Variants in WSCD2 observed in about 807,000 individuals in gnomAD.
WSCD2 encodes WSC domain sialate O sulfotransferase 2.
In WSCD2, 28 loss-of-function variants were observed where a neutral mutation model predicts 55.7. The observed-to-expected ratio is 0.50, with a 90% CI of 0.37 to 0.69. The LOEUF (loss-of-function observed/expected upper bound fraction) is 0.69. Ranked by LOEUF, WSCD2 falls within the 30% of genes least tolerant of loss-of-function variation. The probability of loss-of-function intolerance (pLI) is 0.00; values close to 1 mark genes in which losing one functional copy is unlikely to be tolerated. For missense variants in WSCD2, 616 were observed against 762.1 expected, an observed-to-expected ratio of 0.81 and a Z score of 2.26; for synonymous variants, 301 against 301.9, an observed-to-expected ratio of 1.00 and a Z score of 0.03.
chr12:108,219,110 C>T (rs1593062193), intron 4 of WSCD2, among the ~76,000 whole-genome samples: 2 of 152,326 alleles, frequency 1.3e-5, no homozygotes, highest in Middle Eastern at 3.4e-3. Context: ...GCCCTCTTCT[C>T]AGCCAGCTGG....
intron 1 of WSCD2, among the ~76,000 whole-genome samples, chr12:108,159,295 G>A (rs1878834473): frequency 6.6e-6 from 1 of 152,170 alleles, no homozygotes; most frequent in Non-Finnish European, 1.5e-5. Context: ...TAGCCAATGT[G>A]CCTGTTGTGC....
chr12:108,171,654 T>C (rs1221085916), intron 1 of WSCD2: 2 of 152,258 alleles, frequency 1.3e-5, no homozygotes, highest in Non-Finnish European at 2.9e-5. Context: ...TGGCTCATAT[T>C]GTATTTCTGT....
intron 1 of WSCD2, among the ~76,000 whole-genome samples, chr12:108,185,168 C>G (rs1452574091): frequency 1.3e-5 from 2 of 152,236 alleles, no homozygotes; most frequent in Non-Finnish European, 2.9e-5. Flanking sequence ...TGCCAAGCAC[C>G]TGGACCTTGG....
intron 1 of WSCD2, among the ~76,000 whole-genome samples, chr12:108,164,164 A>ATTTTTTTTTTTTTTTTTGT (rs1879391846): frequency 6.4e-5 from 1 of 15,520 alleles, no homozygotes; most frequent in African/African-American, 1.4e-4. Context: ...TTTTTTTTTC[A>ATTTTTTTTTTTTTTTTTGT]GAGAGGGGGA....
At chr12:108,203,074 T>G (rs1884909584) in intron 2 of WSCD2, among the ~76,000 whole-genome samples, 1 of 152,188 alleles carries the variant, frequency 6.6e-6, no homozygotes, top group African/African-American at 2.4e-5. Flanking sequence ...GACCTGGACA[T>G]GGATTTGGTC....
At chr12:108,232,103 G>A (rs1888818532) in intron 6 of WSCD2, among the ~76,000 whole-genome samples, 1 of 152,186 alleles carries the variant, frequency 6.6e-6, no homozygotes, top group African/African-American at 2.4e-5. Flanking sequence ...GCTGGCATGT[G>A]GTGGAGTGGA....
intron 1 of WSCD2, among the ~76,000 whole-genome samples, chr12:108,190,574 G>A (rs1196574745): frequency 6.6e-6 from 1 of 152,130 alleles, no homozygotes; most frequent in Non-Finnish European, 1.5e-5. Context: ...CCACAGGGCA[G>A]GCTATGCCTC....
intron 1 of WSCD2, among the ~76,000 whole-genome samples, chr12:108,144,917 G>A (rs1472552693): frequency 4.6e-5 from 7 of 152,186 alleles, no homozygotes; most frequent in African/African-American, 1.2e-4. Flanking sequence ...ACATGGCAGA[G>A]CCAAGATTTG....
At chr12:108,207,227 T>G (rs200386600) in intron 3 of WSCD2, among the ~76,000 whole-genome samples, 3 of 152,144 alleles carry the variant, frequency 2.0e-5, no homozygotes, top group East Asian at 3.9e-4. Context: ...TAGTGGCTCA[T>G]GAAGAGGCTC....
chr12:108,196,495 C>A (rs2137050987), intron 2 of WSCD2: 1 of 418,088 alleles, frequency 2.4e-6, no homozygotes, highest in South Asian at 4.2e-5. Flanking sequence ...TCCCCTGTAG[C>A]CTTTTACAGT....
chr12:108,139,367 A>T (rs1208818463), intron 1 of WSCD2, among the ~76,000 whole-genome samples: 1 of 152,176 alleles, frequency 6.6e-6, no homozygotes, highest in East Asian at 1.9e-4. Flanking sequence ...AGACTCCCTC[A>T]CCAGCCCTTG....
At chr12:108,202,222 G>A (rs1484704445) in intron 2 of WSCD2, among the ~76,000 whole-genome samples, 2 of 152,182 alleles carry the variant, frequency 1.3e-5, no homozygotes, top group African/African-American at 2.4e-5. Flanking sequence ...AGGTCCGTGG[G>A]AAAGGGGTCA....
intron 1 of WSCD2, among the ~76,000 whole-genome samples, chr12:108,176,543 C>G (rs1880896040): frequency 6.6e-6 from 1 of 152,230 alleles, no homozygotes; most frequent in South Asian, 2.1e-4. Context: ...GGAGGCACCA[C>G]AGTTTGTTCA....
chr12:108,140,516 C>T (rs777476446), intron 1 of WSCD2, among the ~76,000 whole-genome samples: 44 of 152,236 alleles, frequency 2.9e-4, no homozygotes, highest in African/African-American at 8.9e-4. Flanking sequence ...TCTGTCTGTC[C>T]GCCTGATTTT....
chr12:108,182,620 C>G (rs1439410082), intron 1 of WSCD2, among the ~76,000 whole-genome samples: 2 of 152,198 alleles, frequency 1.3e-5, no homozygotes, highest in Non-Finnish European at 2.9e-5. Flanking sequence ...ACTAAACCCA[C>G]AGGTTGCAAG....
chr12:108,234,490 G>GT lies in WSCD2; in HGVS notation c.1144+1599dup, dbSNP rs370352014. Among the ~76,000 whole-genome samples the GT allele has an allele frequency of 2.7e-3, 411 of 152,352 alleles. 1 individual carries two copies. Among genetic ancestry groups the GT allele is most frequent in the African/African-American group, 9.5e-3 (395 of 41,582 alleles). ...CTTTTTATATATTTATTAATTTCCA[G>GT]TTTTGGCTTGAGTGATTGTTTATTA... On this transcript the variant is annotated intron_variant, in intron 7 of 8. Transcript: ENST00000547525.
At chr12:108,207,222 G>C (rs1200233044) in intron 3 of WSCD2, among the ~76,000 whole-genome samples, 1 of 152,116 alleles carries the variant, frequency 6.6e-6, no homozygotes, top group African/African-American at 2.4e-5. Context: ...CCTTGTAGTG[G>C]CTCATGAAGA....
intron 1 of WSCD2, among the ~76,000 whole-genome samples, chr12:108,188,468 G>A (rs1882784620): frequency 6.6e-6 from 1 of 152,118 alleles, no homozygotes; most frequent in African/African-American, 2.4e-5. Flanking sequence ...GAATGGAAGG[G>A]TGTGTCCCAG....
chr12:108,196,550 G>A (rs1009271348), intron 2 of WSCD2: 2 of 231,188 alleles, frequency 8.7e-6, no homozygotes, highest in African/African-American at 4.6e-5. Flanking sequence ...CATTTATTGG[G>A]TACTTACTAG....
Sources: allele counts gnomAD v4.1 joint callset (sites outside exome capture counted in the v4.1 genomes callset), GRCh38; gene constraint gnomAD v4.1.1; transcripts MANE v1.5; gene names NCBI Gene and HGNC (gene_info 2026-07-23, HGNC 2026-07-21).